The following ASXL2 variants were observed in gnomAD, a reference collection of about 807,000 sequenced individuals.
ASXL2 encodes the protein ASXL transcriptional regulator 2.
In ASXL2, 23 loss-of-function variants were observed where a neutral mutation model predicts 122.0. That is an observed-to-expected ratio of 0.19 (90% CI 0.14 to 0.27). ASXL2 has a LOEUF of 0.27. Ranked by LOEUF, ASXL2 falls within the 10% of genes least tolerant of loss-of-function variation. The pLI, the probability that ASXL2 is intolerant of heterozygous loss-of-function variation, is 1.00. For missense variants in ASXL2, 1,518 were observed against 1,713.8 expected, an observed-to-expected ratio of 0.89 and a Z score of 2.02; for synonymous variants, 650 against 637.0, an observed-to-expected ratio of 1.02 and a Z score of -0.31.
At chr2:25,757,842 C>T (rs1028117737) in intron 9 of ASXL2, among the ~76,000 whole-genome samples, 1 of 150,734 alleles carries the variant, frequency 6.6e-6, no homozygotes, top group Non-Finnish European at 1.5e-5. Context: ...TTCTGAGGAA[C>T]CAGCATTAGA....
chr2:25,877,601 C>T (rs1481824516), intron 1 of ASXL2, among the ~76,000 whole-genome samples: 1 of 152,162 alleles, frequency 6.6e-6, no homozygotes, highest in Non-Finnish European at 1.5e-5. Flanking sequence ...TTTCTAAACA[C>T]CTCCTGCACT....
intron 5 of ASXL2, among the ~76,000 whole-genome samples, chr2:25,795,865 C>G (rs9309427): frequency 0.72 from 109,220 of 152,014 alleles, 40,900 homozygotes; most frequent in Non-Finnish European, 0.83. Context: ...TTCAAAAATA[C>G]GTGCTTAGTG....
chr2:25,845,137 CT>C (rs918146092), intron 2 of ASXL2, among the ~76,000 whole-genome samples: 32 of 152,230 alleles, frequency 2.1e-4, no homozygotes, highest in African/African-American at 7.7e-4. Context: ...AGGACTCTCC[CT>C]GTATGAGAGT....
At chr2:25,798,799 C>T (rs2088949656) in intron 5 of ASXL2, among the ~76,000 whole-genome samples, 1 of 152,026 alleles carries the variant, frequency 6.6e-6, no homozygotes, top group African/African-American at 2.4e-5. Context: ...GGTTAGGAGG[C>T]AGGAAGGGAT....
rs2087720834 is a variant in ASXL2, at chr2:25,735,431, A to C, written c.*6598T>G. On this transcript the variant is annotated 3_prime_UTR_variant, in exon 13 of 13. Coordinates refer to ENST00000435504, the MANE Select transcript of ASXL2 (RefSeq NM_018263.6). Reference sequence around the variant, plus strand: ...ATTCAAGTTGTGACTCAAGAGAAAAAAGGAAAAGCCACTTCTACATTAGAA... The same window carrying C: ...ATTCAAGTTGTGACTCAAGAGAAAACAGGAAAAGCCACTTCTACATTAGAA... 1 of 152,190 alleles carries C rather than the reference A, an allele frequency of 6.6e-6. No homozygotes were observed. The allele number at this position is 152,190 out of a possible 1,614,324, so 9.4% of individuals were successfully genotyped here.
intron 12 of ASXL2, among the ~76,000 whole-genome samples, chr2:25,748,666 T>C (rs2087983077): frequency 6.6e-6 from 1 of 152,326 alleles, no homozygotes; most frequent in South Asian, 2.1e-4. Context: ...TAATGAGTAA[T>C]ATTCAGTGCG....
At chr2:25,804,032 T>G (rs1237364487) in intron 4 of ASXL2, among the ~76,000 whole-genome samples, 1 of 152,176 alleles carries the variant, frequency 6.6e-6, no homozygotes, top group Non-Finnish European at 1.5e-5. Context: ...TTTAATAAAT[T>G]TTTTAAACAG....
intron 3 of ASXL2, among the ~76,000 whole-genome samples, chr2:25,825,634 C>T (rs1424107879): frequency 1.3e-5 from 2 of 152,154 alleles, no homozygotes. Flanking sequence ...CTTTTTAAAG[C>T]TGAATATTCC....
chr2:25,782,219 A>G (rs2088654844), intron 5 of ASXL2, among the ~76,000 whole-genome samples: 1 of 152,026 alleles, frequency 6.6e-6, no homozygotes, highest in Non-Finnish European at 1.5e-5. Flanking sequence ...CCGGTTACTC[A>G]AACTGCTTTC....
At chr2:25,765,408 C>G (rs1344663825) in intron 8 of ASXL2, among the ~76,000 whole-genome samples, 1 of 151,926 alleles carries the variant, frequency 6.6e-6, no homozygotes, top group African/African-American at 2.4e-5. Context: ...ATGGCATGAA[C>G]ACGGGAGGCA....
intron 1 of ASXL2, among the ~76,000 whole-genome samples, chr2:25,846,612 C>T (rs2089652164): frequency 6.6e-6 from 1 of 151,784 alleles, no homozygotes; most frequent in Admixed American, 6.6e-5. Flanking sequence ...CATGCCACTG[C>T]ACTCCATCCT....
rs138719323 is a variant in ASXL2, at chr2:25,784,525, C to G, written c.404-12985G>C. Among the ~76,000 whole-genome samples the G allele has an allele frequency of 5.9e-5, 9 of 152,294 alleles. No individual in the cohort carries two copies. The East Asian group carries it at 1.7e-3, about 29-fold the overall frequency. The stretch of plus-strand genomic sequence containing the variant: ...AGTACATAACCTAGGTGGTATAAAA[C>G]AAGACACTTATTCCTTCACAGTTCT... On this transcript the variant is annotated intron_variant, in intron 5 of 12. Coordinates refer to ENST00000435504, the MANE Select transcript of ASXL2 (RefSeq NM_018263.6).
intron 1 of ASXL2, among the ~76,000 whole-genome samples, chr2:25,862,905 C>T (rs1362896885): frequency 6.6e-6 from 1 of 152,008 alleles, no homozygotes; most frequent in Non-Finnish European, 1.5e-5. Context: ...CACGCCCAGC[C>T]AAAACGTAAG....
intron 8 of ASXL2, among the ~76,000 whole-genome samples, chr2:25,764,690 A>G (rs112871640): frequency 1.8e-3 from 275 of 152,312 alleles, no homozygotes; most frequent in African/African-American, 6.2e-3. Context: ...ACAATGTTGC[A>G]ATGCCTCTAT....
chr2:25,840,530 C>T (rs191883115), intron 2 of ASXL2, among the ~76,000 whole-genome samples: 1 of 152,306 alleles, frequency 6.6e-6, no homozygotes, highest in Non-Finnish European at 1.5e-5. Context: ...ACTCACTATT[C>T]CCCACTACTC....
intron 2 of ASXL2, among the ~76,000 whole-genome samples, chr2:25,836,676 T>C (rs1452104413): frequency 6.6e-6 from 1 of 152,198 alleles, no homozygotes; most frequent in African/African-American, 2.4e-5. Flanking sequence ...CTTTGCTGGG[T>C]GGTTCCCAGA....
chr2:25,789,383 T>C (rs1372692950), intron 5 of ASXL2, among the ~76,000 whole-genome samples: 1 of 152,158 alleles, frequency 6.6e-6, no homozygotes, highest in Non-Finnish European at 1.5e-5. Context: ...TTTAAAAATT[T>C]CTCTGGACAT....
rs777391361 is a variant in ASXL2 at position 25,742,172 on chromosome 2, C to G, written c.4165G>C (p.Glu1389Gln). ...GGCGTGCCCTCTATGCTGTTCTCTTCGGAGAACGCCTGAACAGGAATGGTC... is the reference window on the plus strand; with the variant it reads ...GGCGTGCCCTCTATGCTGTTCTCTTGGGAGAACGCCTGAACAGGAATGGTC... ...GQTIPVQAFS[E>Q]ENSIEGTPSK... is the part of the protein sequence containing the mutation. Residue 1389 changes from glutamate (E) to glutamine (Q), a missense_variant, in exon 13 of 13, where the codon GAA (glutamate) becomes CAA (glutamine). Physicochemically the swap from Glu to Gln is conservative, Grantham distance 29. This residue lies in a region of ASXL2 where 831 missense variants were observed against 833.1 expected (regional missense o/e 1.00). Transcript: ENST00000435504. The G allele has an allele frequency of 6.2e-7, 1 of 1,613,984 alleles. No homozygotes were observed.
intron 5 of ASXL2, among the ~76,000 whole-genome samples, chr2:25,782,527 C>T (rs994958721): frequency 2.0e-5 from 3 of 152,120 alleles, no homozygotes; most frequent in Non-Finnish European, 4.4e-5. Context: ...GCCTGGGCAA[C>T]AGAGGAAGAC....
Sources: allele counts gnomAD v4.1 joint callset (sites outside exome capture counted in the v4.1 genomes callset), GRCh38; gene constraint gnomAD v4.1.1; regional missense constraint gnomAD v4.1.1; transcripts MANE v1.5; gene names NCBI Gene and HGNC (gene_info 2026-07-23, HGNC 2026-07-21).